Variants in CCDC91 observed in about 807,000 individuals in gnomAD.
CCDC91 encodes the protein coiled-coil domain containing 91.
In CCDC91, 48 loss-of-function variants were observed where a neutral mutation model predicts 63.2. The ratio of observed to expected loss-of-function variants is 0.76; its 90% confidence interval spans 0.60 to 0.97. The LOEUF is 0.97. Among genes scored for constraint, CCDC91 ranks in the 50% least tolerant of loss-of-function variants. CCDC91 has a pLI of 0.00. For missense variants in CCDC91, 500 were observed against 494.6 expected (o/e 1.01, Z -0.10); for synonymous variants, 167 against 165.8 (o/e 1.01, Z -0.06).
At chr12:28,448,147 A>G (rs183615967) in intron 8 of CCDC91, among the ~76,000 whole-genome samples, 102 of 152,256 alleles carry the variant, frequency 6.7e-4, no homozygotes, top group Non-Finnish European at 8.4e-4. Context: ...TATATAGGGT[A>G]GGATTATTGT....
At chr12:28,502,470 G>T (rs1341667891) in intron 12 of CCDC91, among the ~76,000 whole-genome samples, 1 of 151,460 alleles carries the variant, frequency 6.6e-6, no homozygotes, top group Non-Finnish European at 1.5e-5. Context: ...ATGCTCATGG[G>T]TAGGAAGAAT....
intron 1 of CCDC91, among the ~76,000 whole-genome samples, chr12:28,191,517 C>T (rs919504734): frequency 6.6e-6 from 1 of 152,122 alleles, no homozygotes; most frequent in African/African-American, 2.4e-5. Context: ...CCTTTCTCTC[C>T]AAATATTAAT....
chr12:28,313,140 ATG>A (rs1939494680), intron 6 of CCDC91, among the ~76,000 whole-genome samples: 1 of 151,928 alleles, frequency 6.6e-6, no homozygotes, highest in African/African-American at 2.4e-5. Context: ...GGTCTTTTAA[ATG>A]TCTGTGAAGC....
chr12:28,344,666 C>A (rs1942681682), intron 6 of CCDC91, among the ~76,000 whole-genome samples: 1 of 152,156 alleles, frequency 6.6e-6, no homozygotes, highest in Admixed American at 6.5e-5. Context: ...ACTATGCTAT[C>A]TACTTTGAAT....
chr12:28,528,499 G>A (rs1401235958), intron 12 of CCDC91, among the ~76,000 whole-genome samples: 1 of 152,142 alleles, frequency 6.6e-6, no homozygotes, highest in Non-Finnish European at 1.5e-5. Flanking sequence ...GGTCCTGCAG[G>A]AGCAATCCAC....
chr12:28,382,587 A>C (rs962262582), intron 7 of CCDC91, among the ~76,000 whole-genome samples: 5 of 152,164 alleles, frequency 3.3e-5, no homozygotes, highest in African/African-American at 1.2e-4. Flanking sequence ...TGGTGCCTTG[A>C]TGGAACACAT....
intron 8 of CCDC91, among the ~76,000 whole-genome samples, chr12:28,394,478 A>C (rs889528280): frequency 7.3e-6 from 1 of 136,062 alleles, no homozygotes; most frequent in African/African-American, 3.0e-5. Context: ...ACAAACAAAC[A>C]AAAAAAAAAC....
intron 1 of CCDC91, among the ~76,000 whole-genome samples, chr12:28,215,106 C>T (rs1943481955): frequency 6.6e-6 from 1 of 152,174 alleles, no homozygotes; most frequent in Non-Finnish European, 1.5e-5. Context: ...TAAGAAACTG[C>T]TACTTCTTGA....
intron 10 of CCDC91, 99 bp from the exon 11 acceptor site, chr12:28,452,379 A>G (rs1405528774): frequency 2.6e-6 from 2 of 765,132 alleles, no homozygotes; most frequent in East Asian, 2.7e-5. Context: ...TAAACACTAT[A>G]GGATCAAAGT....
chr12:28,258,808 A>G (rs751172355), intron 2 of CCDC91, among the ~76,000 whole-genome samples: 1 of 151,980 alleles, frequency 6.6e-6, no homozygotes, highest in Admixed American at 6.6e-5. Flanking sequence ...TTACCTACAA[A>G]CTCAGTATTC....
intron 6 of CCDC91, among the ~76,000 whole-genome samples, chr12:28,359,789 C>CTTTTTTTTTTTTTTTTTTTTTTTTTTT (rs1565853581): frequency 1.3e-5 from 2 of 150,522 alleles, no homozygotes; most frequent in African/African-American, 5.0e-5. Context: ...TTTCTATTTA[C>CTTTTTTTTTTTTTTTTTTTTTTTTTTT]TTTTAAAATC....
At chr12:28,313,469 A>C (rs185126234) in intron 6 of CCDC91, among the ~76,000 whole-genome samples, 1 of 151,894 alleles carries the variant, frequency 6.6e-6, no homozygotes, top group African/African-American at 2.4e-5. Flanking sequence ...TGGAAAATCT[A>C]CTCCTCTACT....
At chr12:28,412,601 A>T (rs1947384440) in intron 8 of CCDC91, among the ~76,000 whole-genome samples, 1 of 152,092 alleles carries the variant, frequency 6.6e-6, no homozygotes, top group Non-Finnish European at 1.5e-5. Context: ...CACGGACCCA[A>T]AGAGTGAGAG....
chr12:28,519,844 T>G (rs1386777341), intron 12 of CCDC91, among the ~76,000 whole-genome samples: 11 of 151,570 alleles, frequency 7.3e-5, no homozygotes, highest in Non-Finnish European at 2.9e-5. Flanking sequence ...CTTGCGATAG[T>G]TTGCTGAGAA....
At chr12:28,431,708 AC>A (rs767146693) in intron 8 of CCDC91, among the ~76,000 whole-genome samples, 11 of 151,636 alleles carry the variant, frequency 7.3e-5, no homozygotes, top group Non-Finnish European at 1.6e-4. Context: ...AATTCCCTGT[AC>A]CTTTGTTACA....
intron 6 of CCDC91, among the ~76,000 whole-genome samples, chr12:28,348,991 TG>T (rs1459508693): frequency 1.3e-5 from 2 of 152,224 alleles, no homozygotes; most frequent in Admixed American, 6.5e-5. Context: ...CCCAAAGTGA[TG>T]GGATTACAGG....
At chr12:28,501,033 G>A (rs1937769749) in intron 12 of CCDC91, among the ~76,000 whole-genome samples, 2 of 151,672 alleles carry the variant, frequency 1.3e-5, no homozygotes. Context: ...ACCATTTGCT[G>A]AAGAATACAC....
intron 6 of CCDC91, among the ~76,000 whole-genome samples, chr12:28,318,447 T>G (rs1434522681): frequency 6.6e-6 from 1 of 151,798 alleles, no homozygotes; most frequent in East Asian, 1.9e-4. Flanking sequence ...AGGCTGAGAC[T>G]AAAGGATTGC....
At chr12:28,376,060 C>T (rs1187115069) in intron 7 of CCDC91, among the ~76,000 whole-genome samples, 1 of 151,634 alleles carries the variant, frequency 6.6e-6, no homozygotes. Context: ...GTTTTCTTTC[C>T]TGGAAATTCT....
Sources: gnomAD v4.1 joint callset for allele counts (sites outside exome capture counted in the v4.1 genomes callset) on GRCh38, gnomAD v4.1.1 for gene constraint, MANE v1.5 for transcripts, NCBI Gene and HGNC (gene_info 2026-07-23, HGNC 2026-07-21) for gene names.